TFDP2: variants seen among roughly 807,000 people sequenced by gnomAD.
TFDP2 encodes transcription factor Dp-2, also known as transcription factor Dp-2 (E2F dimerization partner 2).
Under a neutral mutation model 59.3 loss-of-function variants are expected in TFDP2, and 17 were observed. The ratio of observed to expected loss-of-function variants is 0.29; its 90% CI spans 0.20 to 0.43. The LOEUF is 0.43. Ranked by LOEUF, TFDP2 falls within the 20% of genes least tolerant of loss-of-function variation. TFDP2 has a pLI of 1.00. For synonymous variants in TFDP2, 180 were observed against 194.7 expected, an observed-to-expected ratio of 0.92 and a Z score of 0.63; for missense variants, 391 against 528.8, an observed-to-expected ratio of 0.74 and a Z score of 2.56.
chr3:142,043,580 A>G (rs1411760235), intron 3 of TFDP2: 1 of 763,536 alleles, frequency 1.3e-6, no homozygotes, highest in African/African-American at 1.8e-5. Flanking sequence ...TGGCTGATCT[A>G]TGTAATCACG....
chr3:142,066,126 T>C (rs1478886647), intron 3 of TFDP2, among the ~76,000 whole-genome samples: 2 of 152,240 alleles, frequency 1.3e-5, no homozygotes, highest in African/African-American at 4.8e-5. Context: ...TGCATTATTA[T>C]GGTCCCTACA....
rs941250820 is a variant in TFDP2 at position 141,948,765 on chromosome 3, T to C, written c.*3748A>G. On this transcript the variant is annotated 3_prime_UTR_variant, in exon 13 of 13. Transcript: ENST00000489671. ...AGTTGTGGTTTAGCAAACAGTCAAG[T>C]TATAGATGTCTTGCAGGGCTAAACT... is the stretch of plus-strand genomic sequence containing the variant. 3 of 151,882 alleles carry C rather than the reference T, an allele frequency of 2.0e-5. No individual in the cohort carries two copies. The highest frequency in any genetic ancestry group is 4.4e-5 in the Non-Finnish European group (3 of 68,004). The allele number at this position is 151,882 out of a possible 1,614,324, so 9.4% of individuals were successfully genotyped here. A position where few individuals can be genotyped will look rare whatever the true frequency, so the allele number is the denominator to read the frequency against.
At chr3:142,142,215 GA>G (rs1195131497) in intron 1 of TFDP2, among the ~76,000 whole-genome samples, 1 of 151,980 alleles carries the variant, frequency 6.6e-6, no homozygotes, top group Non-Finnish European at 1.5e-5. Context: ...GACTCCACAA[GA>G]AAAGTATTAT....
At chr3:142,050,234 A>G (rs1453257709) in intron 3 of TFDP2, among the ~76,000 whole-genome samples, 1 of 151,008 alleles carries the variant, frequency 6.6e-6, no homozygotes, top group African/African-American at 2.4e-5. Flanking sequence ...ACTGCACTCC[A>G]GCCTGGGTGA....
intron 4 of TFDP2, chr3:142,000,218 G>A (rs1576644769): frequency 4.3e-6 from 3 of 699,192 alleles, no homozygotes; most frequent in African/African-American, 1.7e-5. Flanking sequence ...TACAAAACTG[G>A]GTAATTTACA....
At chr3:142,093,026 C>T in intron 3 of TFDP2, 35 bp downstream of exon 3, 1 of 1,432,160 alleles carries the variant, frequency 7.0e-7, no homozygotes, top group South Asian at 1.3e-5. Flanking sequence ...ATAAAACTAA[C>T]TTAATTCAGA....
rs1479185935 is a variant in TFDP2, at chr3:141,950,643, G to A, written c.*1870C>T. On this transcript the variant is annotated 3_prime_UTR_variant, in exon 13 of 13. Transcript: ENST00000489671. ...GTAGCAGTGGCTGTTGGCCTCTCCA[G>A]GTCCCTGCTGGGTCCCAGAGATGAG... 1 of 152,634 alleles carries A rather than the reference G, an allele frequency of 6.6e-6. No individual in the cohort carries two copies. Among genetic ancestry groups the A allele is most frequent in the East Asian group, 1.9e-4 (1 of 5,190 alleles). 9.5% of individuals were successfully genotyped at this position (152,634 alleles called of 1,614,324 possible). A position where few individuals can be genotyped will look rare whatever the true frequency, so the allele number is the denominator to read the frequency against.
At chr3:142,123,372 G>A (rs574375194) in intron 1 of TFDP2, among the ~76,000 whole-genome samples, 2 of 152,202 alleles carry the variant, frequency 1.3e-5, no homozygotes, top group South Asian at 2.1e-4. Flanking sequence ...CTGACCTCGC[G>A]ATCCACCTGC....
intron 3 of TFDP2, among the ~76,000 whole-genome samples, chr3:142,047,512 TTCAAAC>T (rs1029300221): frequency 2.6e-5 from 4 of 152,110 alleles, no homozygotes; most frequent in African/African-American, 9.7e-5. Flanking sequence ...TATTTTGCCT[TTCAAAC>T]TCCACTTGTA....
intron 3 of TFDP2, among the ~76,000 whole-genome samples, chr3:142,048,826 A>G (rs1404773257): frequency 2.0e-5 from 3 of 152,188 alleles, no homozygotes; most frequent in Non-Finnish European, 2.9e-5. Context: ...TCAGCCTCCC[A>G]AAGTGGTGGG....
At chr3:141,993,649 A>T in intron 5 of TFDP2, 64 bp from the exon 6 acceptor site, 1 of 960,264 alleles carries the variant, frequency 1.0e-6, no homozygotes, top group Non-Finnish European at 1.6e-6. Flanking sequence ...TTTCATTAAT[A>T]CTTTATTATA....
Position 141,995,007 on chromosome 3 carries a change from G to A in TFDP2, c.308+13C>T. On this transcript the variant is annotated intron_variant, in intron 5 of 12. Transcript: ENST00000489671. Reference sequence around the variant, plus strand: ...TTTAAGGTTTTAAAAATAGTAACTTGCAACACTCTTACCCAGGGACCCAGC... The same window carrying A: ...TTTAAGGTTTTAAAAATAGTAACTTACAACACTCTTACCCAGGGACCCAGC... 6.5e-7 allele frequency: 1 copy of A among 1,546,980 alleles called. No individual in the cohort carries two copies. The highest frequency in any genetic ancestry group is 1.4e-5 in the African/African-American group (1 of 72,444).
At chr3:142,017,384 T>C (rs1945208325) in intron 3 of TFDP2, among the ~76,000 whole-genome samples, 2 of 152,078 alleles carry the variant, frequency 1.3e-5, no homozygotes, top group Admixed American at 1.3e-4. Context: ...CATGGAAGTA[T>C]ATATACAAAT....
At chr3:142,117,648 T>C (rs568699470) in intron 1 of TFDP2, among the ~76,000 whole-genome samples, 2 of 152,302 alleles carry the variant, frequency 1.3e-5, no homozygotes, top group South Asian at 2.1e-4. Flanking sequence ...TGATAGCTAA[T>C]AGACCTGGTG....
At chr3:142,131,900 G>A (rs1207205210) in intron 1 of TFDP2, among the ~76,000 whole-genome samples, 1 of 148,906 alleles carries the variant, frequency 6.7e-6, no homozygotes, top group Non-Finnish European at 1.5e-5. Flanking sequence ...CAGCTACTCG[G>A]GAGGCTGAGG....
intron 3 of TFDP2, among the ~76,000 whole-genome samples, chr3:142,080,372 T>C (rs2060594869): frequency 1.3e-5 from 2 of 151,762 alleles, no homozygotes; most frequent in African/African-American, 4.8e-5. Context: ...AGCAAGAAAT[T>C]AAATCATACC....
intron 9 of TFDP2, among the ~76,000 whole-genome samples, chr3:141,967,079 G>C (rs1938204825): frequency 6.6e-6 from 1 of 151,736 alleles, no homozygotes; most frequent in South Asian, 2.1e-4. Context: ...ACCATGCCTG[G>C]CTAATTTTTT....
chr3:142,018,005 C>T (rs111884170), intron 3 of TFDP2, among the ~76,000 whole-genome samples: 4 of 150,000 alleles, frequency 2.7e-5, no homozygotes, highest in Admixed American at 6.6e-5. Context: ...TGCAGTGGCA[C>T]GATCTTGGTT....
rs1194570470 is a variant in TFDP2 at position 141,945,083 on chromosome 3, C to T, written c.*7430G>A. ...GCACATAGTCAGAGTAAAGCATTTT[C>T]AGATGAAAAGGTGAACAACCTAGTG... is the stretch of plus-strand genomic sequence containing the variant. On this transcript the variant is annotated 3_prime_UTR_variant, in exon 13 of 13. Transcript: ENST00000489671. 6.6e-6 allele frequency: 1 copy of T among 151,966 alleles called. No individual in the cohort carries two copies. Among genetic ancestry groups the T allele is most frequent in the African/African-American group, 2.4e-5 (1 of 41,410 alleles). 9.4% of individuals were successfully genotyped at this position (151,966 alleles called of 1,614,324 possible).
Sources: allele counts gnomAD v4.1 joint callset (sites outside exome capture counted in the v4.1 genomes callset), GRCh38; gene constraint gnomAD v4.1.1; transcripts MANE v1.5; gene names NCBI Gene and HGNC (gene_info 2026-07-23, HGNC 2026-07-21).